Variants in SOD2 observed in about 807,000 individuals in gnomAD.
SOD2 encodes the protein superoxide dismutase [Mn], mitochondrial.
A neutral mutation model predicts 27.0 loss-of-function variants in SOD2; 11 were observed. That is an observed-to-expected ratio of 0.41 (90% confidence interval 0.26 to 0.67). The LOEUF (loss-of-function observed/expected upper bound fraction) is 0.67, where lower values mean the gene tolerates loss of function less well. Ranked by LOEUF, SOD2 falls within the 30% of genes least tolerant of loss-of-function variation. The pLI is 0.34. For synonymous variants in SOD2, 105 were observed against 103.0 expected, an observed-to-expected ratio of 1.02 and a Z score of -0.12; for missense variants, 250 against 274.5, an observed-to-expected ratio of 0.91 and a Z score of 0.63.
intron 1 of SOD2, chr6:159,713,378 G>A: frequency 1.5e-6 from 1 of 651,356 alleles, no homozygotes; most frequent in Non-Finnish European, 2.8e-6. Context: ...CTGGGACCTG[G>A]CCACTGCACA....
chr6:159,682,829 G>C (rs1398979447), intron 4 of SOD2, among the ~76,000 whole-genome samples, 191 bp from the exon 5 acceptor site: 1 of 152,084 alleles, frequency 6.6e-6, no homozygotes, highest in East Asian at 1.9e-4. Context: ...TTAATTCACT[G>C]TTTACAAAGA....
intron 2 of SOD2, 113 bp downstream of exon 2, chr6:159,692,548 G>A (rs1777262403): frequency 1.3e-6 from 2 of 1,523,748 alleles, no homozygotes; most frequent in Non-Finnish European, 1.8e-6. Context: ...ACTCGGAACC[G>A]GTACAAATAC....
At chr6:159,688,012 CA>C in intron 3 of SOD2, 113 bp downstream of exon 3, 3 of 709,324 alleles carry the variant, frequency 4.2e-6, no homozygotes, top group Non-Finnish European at 7.5e-6. Context: ...ACTCTTGTCT[CA>C]AAAAAACAAC....
chr6:159,748,768 T>G, upstream of SOD2: 12 of 1,234,968 alleles, frequency 9.7e-6, no homozygotes, highest in Non-Finnish European at 1.2e-5. The surrounding 1 kb of genome is among the most constrained non-coding windows in gnomAD (Gnocchi z 5.6). Context: ...ACCTAGAGAT[T>G]TTAAATCATG....
At chr6:159,702,441 C>A (rs1230026376) in intron 1 of SOD2, among the ~76,000 whole-genome samples, 1 of 151,492 alleles carries the variant, frequency 6.6e-6, no homozygotes, top group South Asian at 2.1e-4. Context: ...GGACTACAGA[C>A]GTGCACTGCC....
intron 1 of SOD2, chr6:159,713,514 C>T (rs1311908473): frequency 3.5e-5 from 24 of 679,852 alleles, no homozygotes; most frequent in East Asian, 2.3e-4. Flanking sequence ...CTATCTCCTG[C>T]GAAGCCAACT....
intron 1 of SOD2, chr6:159,743,936 A>G (rs1779410493): frequency 1.0e-6 from 1 of 971,218 alleles, no homozygotes; most frequent in East Asian, 3.6e-5. Flanking sequence ...TAAGAATACT[A>G]GATGAAAAAT....
chr6:159,699,614 T>C (rs1470796715), intron 1 of SOD2, among the ~76,000 whole-genome samples: 2 of 152,210 alleles, frequency 1.3e-5, no homozygotes, highest in East Asian at 3.9e-4. Context: ...GGATCTGTCA[T>C]TATTAAACTG....
chr6:159,694,065 T>C (rs1777368861), upstream of SOD2, among the ~76,000 whole-genome samples: 1 of 152,232 alleles, frequency 6.6e-6, no homozygotes, highest in African/African-American at 2.4e-5. Context: ...CACAGTTAAC[T>C]GAGTCAGGAC....
upstream of SOD2, among the ~76,000 whole-genome samples, chr6:159,694,281 A>G (rs898606276): frequency 5.9e-5 from 9 of 151,488 alleles, no homozygotes; most frequent in East Asian, 1.7e-3. Flanking sequence ...TTCCATGTGT[A>G]GAGGTTAGGA....
At chr6:159,699,731 C>T (rs1411843561) in intron 1 of SOD2, among the ~76,000 whole-genome samples, 4 of 152,112 alleles carry the variant, frequency 2.6e-5, no homozygotes, top group African/African-American at 9.7e-5. Context: ...AAAGAGTAGC[C>T]CAGACCACTG....
chr6:159,696,955 C>G (rs554459111), upstream of SOD2, among the ~76,000 whole-genome samples: 3 of 151,666 alleles, frequency 2.0e-5, no homozygotes, highest in South Asian at 6.2e-4. Flanking sequence ...AGGAGGATCA[C>G]TTGAGCCCAA....
At chr6:159,751,971 A>AAT (rs1176257368) in intron 1 of SOD2, among the ~76,000 whole-genome samples, 1 of 151,412 alleles carries the variant, frequency 6.6e-6, no homozygotes, top group Non-Finnish European at 1.5e-5. Flanking sequence ...CTGAGGTGGG[A>AAT]GGATCACCTG....
intron 1 of SOD2, among the ~76,000 whole-genome samples, chr6:159,759,153 A>G (rs1303098238): frequency 2.0e-5 from 3 of 149,792 alleles, no homozygotes; most frequent in Admixed American, 6.6e-5. Context: ...TCCGCCTCCC[A>G]GGTTCAAGCA....
chr6:159,728,676 T>C (rs1778377794), upstream of SOD2, among the ~76,000 whole-genome samples: 1 of 152,228 alleles, frequency 6.6e-6, no homozygotes, highest in Non-Finnish European at 1.5e-5. Context: ...GCGAAAAATC[T>C]TTTCAAGATG....
intron 1 of SOD2, chr6:159,713,254 G>A: frequency 1.4e-6 from 1 of 725,660 alleles, no homozygotes; most frequent in South Asian, 1.7e-5. Flanking sequence ...CATCATTACA[G>A]CCACGATAGT....
At chr6:159,709,973 T>C (rs1187714901) in intron 1 of SOD2, among the ~76,000 whole-genome samples, 1 of 151,824 alleles carries the variant, frequency 6.6e-6, no homozygotes, top group East Asian at 1.9e-4. Flanking sequence ...TGTAGGGACA[T>C]GGATGACGCT....
intron 1 of SOD2, among the ~76,000 whole-genome samples, chr6:159,754,311 A>G (rs939388936): frequency 6.6e-6 from 1 of 152,192 alleles, no homozygotes; most frequent in Non-Finnish European, 1.5e-5. Flanking sequence ...TATATGTAAC[A>G]GTCCTTGGTT....
chr6:159,761,969 G>A (rs765581948), exon 1 of SOD2: 5 of 1,163,470 alleles, frequency 4.3e-6, no homozygotes, highest in Non-Finnish European at 6.3e-6. Context: ...TGCGCGGGGA[G>A]GTGGAGGGCG....
Sources: gnomAD v4.1 joint callset for allele counts (sites outside exome capture counted in the v4.1 genomes callset) on GRCh38, gnomAD v4.1.1 for gene constraint, Gnocchi (gnomAD v3.1) non-coding constraint, MANE v1.5 for transcripts, NCBI Gene and HGNC (gene_info 2026-07-23, HGNC 2026-07-21) for gene names.